The following MSRA variants were observed in gnomAD, a reference collection of about 807,000 sequenced individuals.
MSRA encodes the protein methionine sulfoxide reductase A.
A neutral mutation model predicts 31.3 loss-of-function variants in MSRA; 54 were observed. The ratio of observed to expected loss-of-function variants is 1.73; its 90% CI spans 1.39 to 2.17. The LOEUF is 2.17. Ranked by LOEUF, MSRA falls within the 30% of genes most tolerant of loss-of-function variation. MSRA has a pLI of 0.00. For missense variants in MSRA, 507 were observed against 300.9 expected (o/e 1.69, Z -5.07); for synonymous variants, 169 against 116.5 (o/e 1.45, Z -2.90).
At chr8:10,355,403 T>C (rs1411966077) in intron 5 of MSRA, among the ~76,000 whole-genome samples, 1 of 152,202 alleles carries the variant, frequency 6.6e-6, no homozygotes, top group African/African-American at 2.4e-5. Flanking sequence ...ATTGTCACTT[T>C]CCAAACCAAA....
intron 5 of MSRA, among the ~76,000 whole-genome samples, chr8:10,333,728 C>T (rs548277257): frequency 6.6e-6 from 1 of 151,804 alleles, no homozygotes; most frequent in African/African-American, 2.4e-5. Flanking sequence ...GAGCCGGCCC[C>T]CCTCCATGTT....
chr8:10,087,337 A>C (rs1585118645), intron 1 of MSRA, among the ~76,000 whole-genome samples: 2 of 94,050 alleles, frequency 2.1e-5, no homozygotes, highest in Admixed American at 8.6e-5. Context: ...GCTTGTGTTT[A>C]TAATGATTTG....
At chr8:10,135,737 A>T (rs1332749979) in intron 1 of MSRA, among the ~76,000 whole-genome samples, 1 of 152,188 alleles carries the variant, frequency 6.6e-6, no homozygotes, top group East Asian at 1.9e-4. Context: ...AGAGCCAAAT[A>T]TCGGTAATTC....
At chr8:10,225,641 G>T (rs940832772) in intron 2 of MSRA, among the ~76,000 whole-genome samples, 1 of 152,206 alleles carries the variant, frequency 6.6e-6, no homozygotes. Context: ...GGGAACTTCT[G>T]AAAACTTCTT....
chr8:10,105,700 C>G (rs1251936930), intron 1 of MSRA, among the ~76,000 whole-genome samples: 1 of 152,144 alleles, frequency 6.6e-6, no homozygotes, highest in Non-Finnish European at 1.5e-5. Flanking sequence ...AACCAGTAGT[C>G]TTGCTAACAA....
chr8:10,140,004 C>T (rs181229713), intron 1 of MSRA, among the ~76,000 whole-genome samples: 2 of 152,290 alleles, frequency 1.3e-5, no homozygotes, highest in East Asian at 3.9e-4. Flanking sequence ...AAAAAGTATA[C>T]ATTTATCTGA....
chr8:10,377,807 C>T (rs941931190), intron 5 of MSRA, among the ~76,000 whole-genome samples: 1 of 152,160 alleles, frequency 6.6e-6, no homozygotes, highest in Admixed American at 6.5e-5. Context: ...CAGCCACGTG[C>T]TGGGTGTGGA....
intron 1 of MSRA, among the ~76,000 whole-genome samples, chr8:10,186,327 A>AC (rs1414147884): frequency 6.6e-6 from 1 of 152,156 alleles, no homozygotes; most frequent in African/African-American, 2.4e-5. Context: ...TGTCACGATG[A>AC]CTGCACTCTG....
chr8:10,239,113 T>G (rs528532614), intron 2 of MSRA, among the ~76,000 whole-genome samples: 2 of 152,164 alleles, frequency 1.3e-5, no homozygotes, highest in South Asian at 4.1e-4. Context: ...GTGGCCCATA[T>G]ACTATGTGAA....
At chr8:10,427,588 G>A (rs1048415808) in intron 5 of MSRA, among the ~76,000 whole-genome samples, 15 of 152,296 alleles carry the variant, frequency 9.8e-5, no homozygotes, top group Non-Finnish European at 1.5e-4. Flanking sequence ...GAGCCACAGC[G>A]AGTGAGGGGA....
At chr8:10,423,577 TC>T (rs1808944836) in intron 5 of MSRA, among the ~76,000 whole-genome samples, 3 of 151,762 alleles carry the variant, frequency 2.0e-5, no homozygotes, top group Admixed American at 2.0e-4. Context: ...GTCCCCTATC[TC>T]CCCCTGCTCC....
intron 5 of MSRA, chr8:10,337,554 T>C (rs1197500425): frequency 4.9e-6 from 3 of 617,554 alleles, no homozygotes; most frequent in South Asian, 1.9e-5. Flanking sequence ...TTAAGTCTGA[T>C]ATACATCAAT....
intron 1 of MSRA, among the ~76,000 whole-genome samples, chr8:10,082,293 G>T (rs1005082126): frequency 1.3e-5 from 2 of 152,140 alleles, no homozygotes; most frequent in African/African-American, 4.8e-5. Context: ...AGACTTTCCT[G>T]AAGACTGGGG....
chr8:10,069,791 A>G (rs1797641697), intron 1 of MSRA, among the ~76,000 whole-genome samples: 1 of 152,200 alleles, frequency 6.6e-6, no homozygotes, highest in East Asian at 1.9e-4. Flanking sequence ...GACACATTCA[A>G]ACCAAAGTGA....
rs563000660 is a variant in MSRA, at chr8:10,152,124, G to T, written c.143-55709G>T. Among the ~76,000 whole-genome samples, 86 of 152,332 alleles carry T rather than the reference G, an allele frequency of 5.6e-4. No individual in the cohort carries two copies. In the South Asian group the frequency reaches 9.5e-3, roughly 17 times the overall value. On this transcript the variant is annotated intron_variant, in intron 1 of 5. Coordinates refer to ENST00000317173, the MANE Select transcript of MSRA (RefSeq NM_012331.5). ...CACATGTAGTTGTGAACATATATTT[G>T]TGTGTGTATTGCAGTGGAAAATCCC...
chr8:10,256,638 G>A (rs965672354), intron 3 of MSRA, among the ~76,000 whole-genome samples: 1 of 152,186 alleles, frequency 6.6e-6, no homozygotes, highest in Non-Finnish European at 1.5e-5. Context: ...GAATTCAGAC[G>A]GCACCTCTGT....
chr8:10,096,377 G>C, intron 1 of MSRA: 1 of 862,686 alleles, frequency 1.2e-6, no homozygotes, highest in Non-Finnish European at 1.4e-6. Context: ...TGGGAGGTGG[G>C]TGGGGAGGTG....
At position 10,170,107 on chromosome 8, in the gene MSRA, A is replaced by G. The variant is rs567609194; in HGVS notation, c.143-37726A>G. Among the ~76,000 whole-genome samples, 11 of 143,646 alleles carry G rather than the reference A, an allele frequency of 7.7e-5. No individual in the cohort carries two copies. The South Asian group carries it at 2.2e-3, about 28-fold the overall frequency. The allele number at this position is 143,646 out of a possible 152,430, so 94.2% of individuals were successfully genotyped here. ...TCACCATGTTAGTCAGGTAGTCTTG[A>G]ACTCCTGACCTCAGGTGATCTGCCC... On this transcript the variant is annotated intron_variant, in intron 1 of 5. Coordinates refer to ENST00000317173, the MANE Select transcript of MSRA (RefSeq NM_012331.5).
intron 1 of MSRA, among the ~76,000 whole-genome samples, chr8:10,132,814 A>G (rs1047554619): frequency 6.6e-6 from 1 of 152,238 alleles, no homozygotes; most frequent in Non-Finnish European, 1.5e-5. Flanking sequence ...CATAAAATAG[A>G]TGTTTAAAAT....
Sources: gnomAD v4.1 joint callset for allele counts (sites outside exome capture counted in the v4.1 genomes callset) on GRCh38, gnomAD v4.1.1 for gene constraint, MANE v1.5 for transcripts, NCBI Gene and HGNC (gene_info 2026-07-23, HGNC 2026-07-21) for gene names.